PCDHGA3: variants seen among roughly 807,000 people sequenced by gnomAD.
PCDHGA3 encodes protocadherin gamma subfamily A, 3.
Under a neutral mutation model 58.5 loss-of-function variants are expected in PCDHGA3, and 40 were observed. The observed-to-expected ratio is 0.68, with a 90% CI of 0.53 to 0.89. The LOEUF (loss-of-function observed/expected upper bound fraction) is 0.89, where lower values mean the gene tolerates loss of function less well. Ranked by LOEUF, PCDHGA3 falls within the 40% of genes least tolerant of loss-of-function variation. PCDHGA3 has a pLI of 0.00. For synonymous variants in PCDHGA3, 530 were observed against 525.7 expected (o/e 1.01, Z -0.11); for missense variants, 1,223 against 1,195.9 (o/e 1.02, Z -0.33).
At chr5:141,481,587 G>A (rs1276529821) in intron 1 of PCDHGA3, among the ~76,000 whole-genome samples, 1 of 152,198 alleles carries the variant, frequency 6.6e-6, no homozygotes, top group African/African-American at 2.4e-5. Context: ...GGAGGCTGAG[G>A]CCAGCGGATC....
chr5:141,478,049 A>G, intron 1 of PCDHGA3: 2 of 1,614,056 alleles, frequency 1.2e-6, no homozygotes, highest in Middle Eastern at 3.3e-4. Flanking sequence ...GCAGACTCTC[A>G]CGGTCTTGAT....
intron 1 of PCDHGA3, chr5:141,419,435 C>CGCACCT (rs2096383167): frequency 6.2e-7 from 1 of 1,613,108 alleles, no homozygotes; most frequent in Admixed American, 1.7e-5. Context: ...CGAGCAGCTG[C>CGCACCT]GCACCTTCGA....
intron 1 of PCDHGA3, chr5:141,404,212 C>T: frequency 3.7e-6 from 6 of 1,613,616 alleles, no homozygotes; most frequent in Non-Finnish European, 5.1e-6. Flanking sequence ...AATATAATAT[C>T]ACGGTGACTG....
intron 1 of PCDHGA3, chr5:141,393,859 T>A (rs1348760722): frequency 1.9e-6 from 3 of 1,613,994 alleles, no homozygotes; most frequent in Non-Finnish European, 2.5e-6. Flanking sequence ...GAAGTGATCA[T>A]TACGTCTTTG....
At chr5:141,510,169 A>G (rs927072830) in intron 3 of PCDHGA3, among the ~76,000 whole-genome samples, 7 of 151,230 alleles carry the variant, frequency 4.6e-5, no homozygotes, top group Non-Finnish European at 1.0e-4. Context: ...GCTACTCAGG[A>G]GGTTGAGGCA....
chr5:141,345,766 C>T lies in PCDHGA3; in HGVS notation c.1733C>T (p.Ala578Val). 3 of 1,614,172 alleles carry T rather than the reference C, an allele frequency of 1.9e-6. No homozygotes were observed. The South Asian group carries it at 3.3e-5, about 18-fold the overall frequency. Reference protein sequence around the residue: ...PTDGSTGVELAPRSAEPGYLV... With the variant: ...PTDGSTGVELVPRSAEPGYLV... ...GACGGTTCCACTGGCGTGGAGCTGG[C>T]GCCTCGCTCCGCAGAGCCCGGCTAC... The change falls in exon 1 of 4, where the codon GCG becomes GTG. Residue 578 changes from alanine to valine, a missense_variant. This residue lies in a region of PCDHGA3 where 107 missense variants were observed against 159.8 expected (regional missense o/e 0.67). Coordinates refer to ENST00000253812, the MANE Select transcript of PCDHGA3 (RefSeq NM_018916.4).
At chr5:141,488,913 A>G (rs887938731) in intron 1 of PCDHGA3, among the ~76,000 whole-genome samples, 4 of 152,196 alleles carry the variant, frequency 2.6e-5, no homozygotes, top group African/African-American at 7.2e-5. Flanking sequence ...TGTGTTCCCA[A>G]GGTTTCCAGG....
In PCDHGA3 at chr5:141,431,985, T is replaced by A. The variant is rs1354693325; in HGVS notation, c.2425-62822T>A. 1 of 1,614,202 alleles carries A rather than the reference T, an allele frequency of 6.2e-7. No homozygotes were observed. The highest frequency in any genetic ancestry group is 1.7e-5 in the Admixed American group (1 of 60,030). ...TACTATAGTTTAGTCACAGACATAG[T>A]CTTGGATAGGGAACAGGTTCCTAGC... On this transcript the variant is annotated intron_variant, in intron 1 of 3. Coordinates refer to ENST00000253812, the MANE Select transcript of PCDHGA3 (RefSeq NM_018916.4). This position sits in a 1 kb window ranked among gnomAD's most constrained non-coding sequence, Gnocchi z 4.8.
intron 1 of PCDHGA3, chr5:141,478,790 C>T: frequency 6.8e-7 from 1 of 1,472,906 alleles, no homozygotes. Flanking sequence ...AATTCACATC[C>T]TCAGCACTCT....
At chr5:141,362,367 T>A in intron 1 of PCDHGA3, 1 of 1,614,012 alleles carries the variant, frequency 6.2e-7, no homozygotes, top group Non-Finnish European at 8.5e-7. Context: ...CCAATTACAG[T>A]GAGGGTACAT....
Position 141,432,325 on chromosome 5 carries a change from C to CGAGCA in PCDHGA3, c.2425-62480_2425-62476dup, listed in dbSNP as rs768604869. On this transcript the variant is annotated intron_variant, in intron 1 of 3. Coordinates refer to ENST00000253812, the MANE Select transcript of PCDHGA3 (RefSeq NM_018916.4). This position sits in a 1 kb window ranked among gnomAD's most constrained non-coding sequence, Gnocchi z 6.0. Reference sequence around the variant, plus strand: ...TGTATGCGCTGAGCTCCTTCGACTACGAGCAGTTCCGAGACTTGCAAGTGA... The same window carrying CGAGCA: ...TGTATGCGCTGAGCTCCTTCGACTACGAGCAGAGCAGTTCCGAGACTTGCAAGTGA... 20 of 1,614,142 alleles carry CGAGCA rather than the reference C, an allele frequency of 1.2e-5. No individual in the cohort carries two copies. Among genetic ancestry groups the CGAGCA allele is most frequent in the Non-Finnish European group, 1.7e-5 (20 of 1,180,050 alleles).
chr5:141,428,361 C>G, intron 1 of PCDHGA3: 2 of 556,764 alleles, frequency 3.6e-6, no homozygotes, highest in Non-Finnish European at 6.6e-6. Context: ...TTTTGGCGGT[C>G]GCCTTGCACC....
chr5:141,433,234 C>T (rs773942024), intron 1 of PCDHGA3: 3 of 1,512,746 alleles, frequency 2.0e-6, no homozygotes, highest in Middle Eastern at 1.8e-4. Flanking sequence ...TGCTCTGTCT[C>T]CCAAGCTGGA....
In PCDHGA3 at chr5:141,485,027, G is replaced by A. The variant is rs1594439784; in HGVS notation, c.2425-9780G>A. ...AATCTACCCCGCCACCAGCAAAAAC[G>A]GCGCGTAACCCTTGCGGCGCCGGCC... is the stretch of plus-strand genomic sequence containing the variant. On this transcript the variant is annotated intron_variant, in intron 1 of 3. Coordinates refer to ENST00000253812, the MANE Select transcript of PCDHGA3 (RefSeq NM_018916.4). The surrounding 1 kb of genome is among the most constrained non-coding windows in gnomAD (Gnocchi z 5.7). 1.5e-6 allele frequency: 1 copy of A among 662,546 alleles called. No individual in the cohort carries two copies. Among genetic ancestry groups the A allele is most frequent in the South Asian group, 1.9e-5 (1 of 53,596 alleles). The allele number at this position is 662,546 out of a possible 1,614,324, so 41.0% of individuals were successfully genotyped here.
rs375307919 is a variant in PCDHGA3, at chr5:141,371,297, C to T, written c.2424+24840C>T. ...AGCTGGACAGTAAAACGGGGGAACT[C>T]ACCACTATTGGAGAACTGGACTTTG... On this transcript the variant is annotated intron_variant, in intron 1 of 3. Coordinates refer to ENST00000253812, the MANE Select transcript of PCDHGA3 (RefSeq NM_018916.4). 11 of 1,613,878 alleles carry T rather than the reference C, an allele frequency of 6.8e-6. No individual in the cohort carries two copies. The African/African-American group carries it at 1.5e-4, about 22-fold the overall frequency.
At chr5:141,408,834 T>G in intron 1 of PCDHGA3, 1 of 1,613,696 alleles carries the variant, frequency 6.2e-7, no homozygotes, top group Non-Finnish European at 8.5e-7. Context: ...CATAGCTTGA[T>G]ATTGACTGCC....
At chr5:141,421,144 G>A (rs1241874764) in intron 1 of PCDHGA3, 1 of 999,180 alleles carries the variant, frequency 1.0e-6, no homozygotes, top group African/African-American at 1.6e-5. Flanking sequence ...TTTGGATGTA[G>A]TCGGCCTAGG....
intron 1 of PCDHGA3, chr5:141,372,266 T>C (rs1230396538): frequency 6.2e-7 from 1 of 1,613,082 alleles, no homozygotes. Flanking sequence ...TGCGCACGGG[T>C]GAGGTGCGCA....
chr5:141,408,443 A>G (rs1486863170), intron 1 of PCDHGA3: 1 of 1,613,956 alleles, frequency 6.2e-7, no homozygotes, highest in Non-Finnish European at 8.5e-7. Flanking sequence ...AGACGCGGAG[A>G]GCGGGGACTT....
Sources: gnomAD v4.1 joint callset for allele counts (sites outside exome capture counted in the v4.1 genomes callset) on GRCh38, gnomAD v4.1.1 for gene constraint, gnomAD v4.1.1 regional missense constraint, Gnocchi (gnomAD v3.1) non-coding constraint, MANE v1.5 for transcripts, NCBI Gene and HGNC (gene_info 2026-07-23, HGNC 2026-07-21) for gene names.